The following ELN variants were observed in gnomAD, a reference collection of about 807,000 sequenced individuals.
ELN encodes elastin.
In ELN, 65 loss-of-function variants were observed where a neutral mutation model predicts 105.8. That is an observed-to-expected ratio of 0.61 (90% CI 0.50 to 0.75). The LOEUF (loss-of-function observed/expected upper bound fraction) is 0.75, where lower values mean the gene tolerates loss of function less well. Ranked by LOEUF, ELN falls within the 30% of genes least tolerant of loss-of-function variation. ELN has a pLI of 0.00. For synonymous variants in ELN, 368 were observed against 389.2 expected, an observed-to-expected ratio of 0.95 and a Z score of 0.64; for missense variants, 882 against 969.4, an observed-to-expected ratio of 0.91 and a Z score of 1.20.
chr7:74,042,488 T>C lies in ELN; in HGVS notation c.233-126T>C, dbSNP rs770299192. On this transcript the variant is annotated intron_variant, in intron 5 of 32. Coordinates refer to ENST00000252034, the MANE Select transcript of ELN (RefSeq NM_000501.4). ...CACATGGATGTCCTGCAGGCATTGA[T>C]GTCTGGCAGAGAGCGGAAGAGCCTC... The C allele has an allele frequency of 1.1e-3, 824 of 776,378 alleles. 1 individual carries two copies. Among genetic ancestry groups the C allele is most frequent in the Non-Finnish European group, 1.4e-3 (652 of 466,938 alleles). The allele number at this position is 776,378 out of a possible 1,614,324, so 48.1% of individuals were successfully genotyped here.
At chr7:74,044,045 A>G in intron 9 of ELN, 125 bp downstream of exon 9, 1 of 1,307,228 alleles carries the variant, frequency 7.6e-7, no homozygotes, top group Admixed American at 2.0e-5. Context: ...CAGGAGTTTG[A>G]GACCAGCCTG....
At chr7:74,031,257 G>A (rs782494010) in intron 1 of ELN, among the ~76,000 whole-genome samples, 32 of 152,186 alleles carry the variant, frequency 2.1e-4, no homozygotes, top group Non-Finnish European at 4.0e-4. Context: ...AAAATGGGGA[G>A]AAACAGCCCT....
At chr7:74,038,448 C>G (rs1239280259) in intron 4 of ELN, among the ~76,000 whole-genome samples, 1 of 152,246 alleles carries the variant, frequency 6.6e-6, no homozygotes, top group Non-Finnish European at 1.5e-5. Flanking sequence ...GTGTCCAGAC[C>G]ACGGAGTTTT....
chr7:74,035,646 G>A, intron 2 of ELN: 1 of 614,812 alleles, frequency 1.6e-6, no homozygotes, highest in Non-Finnish European at 3.0e-6. Flanking sequence ...GAGAAACAAG[G>A]ATTGCTTGAG....
In ELN at chr7:74,063,462, C is replaced by T. The variant is rs1797175733; in HGVS notation, c.1918+93C>T. On this transcript the variant is annotated intron_variant, in intron 28 of 32. Transcript: ENST00000252034. The surrounding 1 kb of genome is among the most constrained non-coding windows in gnomAD (Gnocchi z 4.1). The stretch of plus-strand genomic sequence containing the variant: ...TGACCAGGCACTGTAGACTCAGAGT[C>T]CCTGCCCCAGACACCTCCTGGCTCC... 1 of 1,582,376 alleles carries T rather than the reference C, an allele frequency of 6.3e-7. No homozygotes were observed. The highest frequency in any genetic ancestry group is 1.8e-5 in the Admixed American group (1 of 54,774).
rs1554668234 is a variant in ELN, at chr7:74,041,211, C to T, written c.197-5C>T. 6.2e-7 allele frequency: 1 copy of T among 1,614,022 alleles called. No individual in the cohort carries two copies. The stretch of plus-strand genomic sequence containing the variant: ...TACACTCCTGTCTCTGTTTCTTATC[C>T]ACAGTTCCCGGAGGGCTTGCGGGTG... On this transcript the variant is annotated splice_region_variant and splice_polypyrimidine_tract_variant and intron_variant, in intron 4 of 32. Coordinates refer to ENST00000252034, the MANE Select transcript of ELN (RefSeq NM_000501.4).
chr7:74,034,793 C>A (rs1789533937), intron 1 of ELN, among the ~76,000 whole-genome samples: 1 of 152,130 alleles, frequency 6.6e-6, no homozygotes, highest in Non-Finnish European at 1.5e-5. Flanking sequence ...CTCTCTGAGC[C>A]TGATTTCATG....
chr7:74,054,122 A>C (rs1435647316), intron 18 of ELN, among the ~76,000 whole-genome samples: 1 of 151,636 alleles, frequency 6.6e-6, no homozygotes, highest in Non-Finnish European at 1.5e-5. Flanking sequence ...TGGCAGATAG[A>C]TGAGTGGACA....
chr7:74,046,762 T>C lies in ELN; in HGVS notation c.638T>C (p.Leu213Pro), dbSNP rs1792635523. 1.2e-6 allele frequency: 2 copies of C among 1,614,008 alleles called. No homozygotes were observed. Among genetic ancestry groups the C allele is most frequent in the African/African-American group, 2.7e-5 (2 of 74,928 alleles). The change falls in exon 12 of 33, where the codon CTG becomes CCG. Residue 213 changes from leucine (L) to proline (P), a missense_variant. Transcript: ENST00000252034. Reference sequence around the variant, plus strand: ...GGGTATCCCATCAAGGCCCCCAAGCTGCCTGGTAAGTCAGAGGGACGGTTC... The same window carrying C: ...GGGTATCCCATCAAGGCCCCCAAGCCGCCTGGTAAGTCAGAGGGACGGTTC... ...PLGYPIKAPK[L>P]PGGYGLPYTT...
chr7:74,051,636 GC>G, intron 15 of ELN, 113 bp from the exon 16 acceptor site: 3 of 1,191,084 alleles, frequency 2.5e-6, no homozygotes, highest in Admixed American at 4.1e-5. Flanking sequence ...AGACACCCGG[GC>G]CCCATTCCTG....
At chr7:74,035,259 A>G (rs1387139208) in intron 1 of ELN, 105 bp from the exon 2 acceptor site, 4 of 1,065,532 alleles carry the variant, frequency 3.8e-6, no homozygotes, top group Non-Finnish European at 5.8e-6. Flanking sequence ...TTTCCATGTA[A>G]TTGTGGGTTT....
At chr7:74,042,479 A>G in intron 5 of ELN, 135 bp from the exon 6 acceptor site, 1 of 728,074 alleles carries the variant, frequency 1.4e-6, no homozygotes, top group Non-Finnish European at 2.3e-6. Context: ...GATGTCCTGC[A>G]GGCATTGATG....
chr7:74,061,208 G>A (rs1796567339), intron 26 of ELN, 69 bp downstream of exon 26: 1 of 1,603,966 alleles, frequency 6.2e-7, no homozygotes, highest in Non-Finnish European at 8.5e-7. Flanking sequence ...CAGGACTGGG[G>A]TGGTCACAAT....
Position 74,041,829 on chromosome 7 carries a change from T to C in ELN, c.232+578T>C, listed in dbSNP as rs1791276906. Among the ~76,000 whole-genome samples the C allele has an allele frequency of 2.0e-5, 3 of 152,056 alleles. No homozygotes were observed. In the South Asian group the frequency reaches 6.2e-4, roughly 32 times the overall value. The stretch of plus-strand genomic sequence containing the variant: ...ATCTCAGCTCACCACAACCTCCACC[T>C]CCCCGGTTCAAGTGATTCTTGTGTC... On this transcript the variant is annotated intron_variant, in intron 5 of 32. Coordinates refer to ENST00000252034, the MANE Select transcript of ELN (RefSeq NM_000501.4).
rs147069067 is a variant in ELN, at chr7:74,050,139, TTCCATCCA to T, written c.800-1582_800-1575del. Reference sequence around the variant, plus strand: ...CATCCATCCATTTCTCCATGCATCCTTCCATCCATCCATCCATCCATCCATCCATCCAT... The same window carrying T: ...CATCCATCCATTTCTCCATGCATCCTTCCATCCATCCATCCATCCATCCAT... On this transcript the variant is annotated intron_variant, in intron 15 of 32. Transcript: ENST00000252034. Among the ~76,000 whole-genome samples, 497 of 127,490 alleles carry T rather than the reference TTCCATCCA, an allele frequency of 3.9e-3. 8 individuals carry two copies. Among genetic ancestry groups the T allele is most frequent in the Admixed American group, 0.025 (322 of 13,038 alleles). 83.6% of individuals were successfully genotyped at this position (127,490 alleles called of 152,430 possible).
rs1554669219 is a variant in ELN, at chr7:74,042,633, A to C, written c.252A>C (p.Ala84=). The part of the protein sequence containing the change: ...GLGAGLGAFP[A]VTFPGALVPG... ...CCGCAGGGCTCGGCGCCTTCCCCGC[A>C]GTTACCTTTCCGGGGGCTCTGGTGC... is the stretch of plus-strand genomic sequence containing the variant. The change falls in exon 6 of 33, where the codon GCA becomes GCC. Residue 84 remains alanine (A), a synonymous_variant. Coordinates refer to ENST00000252034, the MANE Select transcript of ELN (RefSeq NM_000501.4). The C allele has an allele frequency of 4.3e-6, 7 of 1,613,598 alleles. No homozygotes were observed. Among genetic ancestry groups the C allele is most frequent in the South Asian group, 1.1e-5 (1 of 91,076 alleles).
intron 12 of ELN, 24 bp downstream of exon 12, chr7:74,046,791 A>C: frequency 6.2e-7 from 1 of 1,613,644 alleles, no homozygotes; most frequent in Non-Finnish European, 8.5e-7. Flanking sequence ...ACGGTTCAAG[A>C]TGCACCACTC....
intron 12 of ELN, among the ~76,000 whole-genome samples, chr7:74,047,027 T>C (rs1485083212): frequency 1.3e-5 from 2 of 151,854 alleles, no homozygotes; most frequent in African/African-American, 4.8e-5. Flanking sequence ...GAGGTTGCAG[T>C]GAACTGAGAT....
chr7:74,051,308 G>T (rs951665434), intron 15 of ELN, among the ~76,000 whole-genome samples: 1 of 152,208 alleles, frequency 6.6e-6, no homozygotes, highest in Admixed American at 6.5e-5. Flanking sequence ...TGGCCCCAGC[G>T]GCTGGTGGGG....
Sources: allele counts gnomAD v4.1 joint callset (sites outside exome capture counted in the v4.1 genomes callset), GRCh38; gene constraint gnomAD v4.1.1; non-coding constraint Gnocchi (gnomAD v3.1); transcripts MANE v1.5; gene names NCBI Gene and HGNC (gene_info 2026-07-23, HGNC 2026-07-21).